Variants in DISC1 observed in about 807,000 individuals in gnomAD.
The protein encoded by DISC1 is DISC1 scaffold protein.
A neutral mutation model predicts 84.5 loss-of-function variants in DISC1; 57 were observed. The observed-to-expected ratio is 0.67, with a 90% CI of 0.55 to 0.84. The LOEUF is 0.84. Among genes scored for constraint, DISC1 ranks in the 40% least tolerant of loss-of-function variants. The pLI is 0.00. For synonymous variants in DISC1, 411 were observed against 415.2 expected (o/e 0.99, Z 0.12); for missense variants, 1,000 against 1,057.8 (o/e 0.95, Z 0.76).
intron 3 of DISC1, among the ~76,000 whole-genome samples, chr1:231,736,731 T>G (rs2072555338): frequency 6.6e-6 from 1 of 152,244 alleles, no homozygotes; most frequent in South Asian, 2.1e-4. Flanking sequence ...CAGCTCTCAG[T>G]GAATTTCATT....
In DISC1 at chr1:231,862,956, C is replaced by T. The variant is rs1462497383; in HGVS notation, c.1981+44439C>T. Among the ~76,000 whole-genome samples, 3 of 152,160 alleles carry T rather than the reference C, an allele frequency of 2.0e-5. No individual in the cohort carries two copies. In the East Asian group the frequency reaches 5.8e-4, roughly 29 times the overall value. ...CGAGGCTCATGTAAGTAAAAAATGC[C>T]CACATTCATAGCAAATAAGTGACAG... is the stretch of plus-strand genomic sequence containing the variant. On this transcript the variant is annotated intron_variant, in intron 9 of 12. Coordinates refer to ENST00000439617, the MANE Select transcript of DISC1 (RefSeq NM_018662.3).
At chr1:231,952,678 C>T (rs1174143978) in intron 9 of DISC1, among the ~76,000 whole-genome samples, 1 of 139,916 alleles carries the variant, frequency 7.1e-6, no homozygotes, top group African/African-American at 2.7e-5. Context: ...TATTGTCTCT[C>T]ATATATATAT....
At chr1:231,761,274 A>C (rs16854928) in intron 4 of DISC1, among the ~76,000 whole-genome samples, 1,671 of 152,312 alleles carry the variant, frequency 0.011, 33 homozygotes, top group African/African-American at 0.038. Flanking sequence ...CTCATTTTGC[A>C]TACTGATTAG....
Position 231,719,224 on chromosome 1 carries a change from G to C in DISC1, c.1117+17200G>C, listed in dbSNP as rs182969376. On this transcript the variant is annotated intron_variant, in intron 3 of 12. Transcript: ENST00000439617. ...TTGTGTTTTAGCATAGCTATTGGCT[G>C]TCCTCTTGGCTAAACTGTTAGCCTC... Among the ~76,000 whole-genome samples the C allele has an allele frequency of 2.0e-5, 3 of 152,318 alleles. No homozygotes were observed. In the East Asian group the frequency reaches 5.8e-4, roughly 29 times the overall value.
Position 231,974,643 on chromosome 1 carries a change from A to G in DISC1, c.2042+15755A>G, listed in dbSNP as rs186115165. Among the ~76,000 whole-genome samples the G allele has an allele frequency of 4.2e-3, 647 of 152,332 alleles. 5 individuals carry two copies. The highest frequency in any genetic ancestry group is 0.014 in the African/African-American group (587 of 41,566). On this transcript the variant is annotated intron_variant, in intron 10 of 12. Transcript: ENST00000439617. ...CAGAAGGGCGGAAGCATGAATTTAA[A>G]TTCTTATACCCACACTTAATTTTGT...
intron 9 of DISC1, among the ~76,000 whole-genome samples, chr1:231,899,983 TAGAG>T (rs774187960): frequency 2.0e-5 from 3 of 152,190 alleles, no homozygotes; most frequent in Non-Finnish European, 4.4e-5. Context: ...GTATCTAGGA[TAGAG>T]ATTTTGTTCC....
At chr1:231,849,426 C>T (rs2083711677) in intron 9 of DISC1, among the ~76,000 whole-genome samples, 1 of 152,134 alleles carries the variant, frequency 6.6e-6, no homozygotes, top group African/African-American at 2.4e-5. Flanking sequence ...GGCCTATCCT[C>T]ATTTTACAGA....
Position 231,645,352 on chromosome 1 carries a change from C to T in DISC1, c.67+18418C>T, listed in dbSNP as rs150887965. Reference sequence around the variant, plus strand: ...AGCTCCTTTCTGCACCTTACTGCTTCCTTGTACAAGTCAAACCAGGGCCTT... The same window carrying T: ...AGCTCCTTTCTGCACCTTACTGCTTTCTTGTACAAGTCAAACCAGGGCCTT... On this transcript the variant is annotated intron_variant, in intron 1 of 12. Transcript: ENST00000439617. Among the ~76,000 whole-genome samples the T allele has an allele frequency of 3.3e-3, 498 of 152,220 alleles. 7 individuals carry two copies. Among genetic ancestry groups the T allele is most frequent in the African/African-American group, 0.011 (477 of 41,536 alleles).
Position 231,795,243 on chromosome 1 carries a change from C to G in DISC1, c.1636C>G (p.Leu546Val). 3 of 1,613,518 alleles carry G rather than the reference C, an allele frequency of 1.9e-6. No homozygotes were observed. The highest frequency in any genetic ancestry group is 2.5e-6 in the Non-Finnish European group (3 of 1,179,526). The change falls in exon 7 of 13, where the codon CTC becomes GTC. Residue 546 changes from leucine to valine, a missense_variant and splice_region_variant. By Grantham distance (32) the Leu-to-Val change is conservative (BLOSUM62 1). Around this residue, in one of 3 missense-constraint regions of DISC1, gnomAD observed 397 missense variants for 377.5 expected, o/e 1.05. Transcript: ENST00000439617. ...ATCTCCTCTTTTTAATTCTTCCAGC[C>G]TCCAGGAAAGAATAAAATCCCTCAA... ...HAEPPETIRS[L>V]QERIKSLNLS...
chr1:231,987,726 G>A (rs1187876121), intron 10 of DISC1, among the ~76,000 whole-genome samples: 16 of 152,200 alleles, frequency 1.1e-4, no homozygotes, highest in Admixed American at 1.0e-3. Context: ...TTAGCAATGA[G>A]CTGGTCTTAA....
At chr1:231,846,176 C>T (rs2125882699) in intron 9 of DISC1, among the ~76,000 whole-genome samples, 1 of 152,232 alleles carries the variant, frequency 6.6e-6, no homozygotes, top group Non-Finnish European at 1.5e-5. Flanking sequence ...GCTGCAGATG[C>T]CATGAGACCC....
intron 3 of DISC1, among the ~76,000 whole-genome samples, chr1:231,702,905 A>G (rs978145295): frequency 2.0e-5 from 3 of 152,172 alleles, no homozygotes; most frequent in African/African-American, 4.8e-5. Flanking sequence ...AACTTGATAG[A>G]TACTCCTGCT....
intron 10 of DISC1, among the ~76,000 whole-genome samples, chr1:231,991,774 A>G (rs1572525970): frequency 1.3e-5 from 2 of 152,322 alleles, no homozygotes; most frequent in African/African-American, 4.8e-5. Flanking sequence ...TGTAAAGGAA[A>G]AGCCCCTTTG....
intron 7 of DISC1, among the ~76,000 whole-genome samples, chr1:231,796,349 G>A (rs1456589321): frequency 3.3e-5 from 5 of 151,224 alleles, no homozygotes; most frequent in Non-Finnish European, 5.9e-5. Context: ...TACCATGGTC[G>A]AAATGTAAAA....
intron 1 of DISC1, among the ~76,000 whole-genome samples, chr1:231,632,045 G>C (rs1203166034): frequency 6.6e-6 from 1 of 152,124 alleles, no homozygotes; most frequent in Non-Finnish European, 1.5e-5. Flanking sequence ...GATATGTTTA[G>C]ATGGAAAAGT....
chr1:231,804,559 G>T (rs2079556755), intron 8 of DISC1, among the ~76,000 whole-genome samples: 2 of 151,752 alleles, frequency 1.3e-5, no homozygotes, highest in African/African-American at 4.8e-5. Flanking sequence ...CTAGGCTCAA[G>T]CCATCCTTAG....
At chr1:231,711,240 G>A (rs1416377024) in intron 3 of DISC1, among the ~76,000 whole-genome samples, 2 of 151,516 alleles carry the variant, frequency 1.3e-5, no homozygotes, top group African/African-American at 2.4e-5. Flanking sequence ...CACCACCAAG[G>A]AGTATACAGC....
intron 3 of DISC1, among the ~76,000 whole-genome samples, chr1:231,711,329 A>G (rs1255956681): frequency 7.1e-6 from 1 of 141,244 alleles, no homozygotes; most frequent in African/African-American, 2.6e-5. Context: ...TTTAGAATTG[A>G]TGTTTATTTT....
intron 9 of DISC1, among the ~76,000 whole-genome samples, chr1:231,956,278 G>A (rs934183550): frequency 5.3e-5 from 8 of 152,112 alleles, no homozygotes; most frequent in African/African-American, 1.7e-4. Context: ...CTGGGTCTTG[G>A]GGTCTTCATC....
Sources: allele counts gnomAD v4.1 joint callset (sites outside exome capture counted in the v4.1 genomes callset), GRCh38; gene constraint gnomAD v4.1.1; regional missense constraint gnomAD v4.1.1; transcripts MANE v1.5; gene names NCBI Gene and HGNC (gene_info 2026-07-23, HGNC 2026-07-21).